SLC39A10: variants seen among roughly 807,000 people sequenced by gnomAD.
SLC39A10 encodes the protein solute carrier family 39 member 10.
Under a neutral mutation model 65.1 loss-of-function variants are expected in SLC39A10, and 13 were observed. The ratio of observed to expected loss-of-function variants is 0.20; its 90% CI spans 0.13 to 0.32. The LOEUF is 0.32. Ranked by LOEUF, SLC39A10 falls within the 10% of genes least tolerant of loss-of-function variation. The pLI, the probability that SLC39A10 is intolerant of heterozygous loss-of-function variation, is 1.00. For synonymous variants in SLC39A10, 321 were observed against 342.2 expected (o/e 0.94, Z 0.68); for missense variants, 831 against 1,018.4 (o/e 0.82, Z 2.50).
Position 195,626,434 on chromosome 2 carries a change from A to G in SLC39A10, c.-12+20201A>G, listed in dbSNP as rs1049601849. 3.9e-5 allele frequency among the ~76,000 whole-genome samples: 6 copies of G among 152,200 alleles called. No homozygotes were observed. In the East Asian group the frequency reaches 5.8e-4, roughly 15 times the overall value. On this transcript the variant is annotated intron_variant, in intron 2 of 2. Transcript: ENST00000458054. ...TCAATCCTGTCTTGATTGTCTGACT[A>G]TATACTAGGGCTCCTTTCCAATTTC...
intron 7 of SLC39A10, among the ~76,000 whole-genome samples, chr2:195,717,792 G>A (rs1199151068): frequency 6.6e-6 from 1 of 152,138 alleles, no homozygotes; most frequent in Non-Finnish European, 1.5e-5. Flanking sequence ...TCTGACCTCA[G>A]TCCTCAATAC....
Position 195,690,201 on chromosome 2 carries a change from A to G in SLC39A10, c.1216+6295A>G, listed in dbSNP as rs1690684787. Among the ~76,000 whole-genome samples, 6 of 136,784 alleles carry G rather than the reference A, an allele frequency of 4.4e-5. No individual in the cohort carries two copies. The South Asian group carries it at 7.0e-4, about 16-fold the overall frequency. The allele number at this position is 136,784 out of a possible 152,430, so 89.7% of individuals were successfully genotyped here. A position where few individuals can be genotyped will look rare whatever the true frequency, so the allele number is the denominator to read the frequency against. On this transcript the variant is annotated intron_variant, in intron 3 of 9. Transcript: ENST00000359634. The stretch of plus-strand genomic sequence containing the variant: ...AAAAAAAAAAAAAAAAAAAAAAAAG[A>G]AAGAAATTCCTTCCTTTTTAAGGCT...
intron 1 of SLC39A10, among the ~76,000 whole-genome samples, chr2:195,664,958 G>A (rs148231109): frequency 6.6e-6 from 1 of 152,070 alleles, no homozygotes; most frequent in African/African-American, 2.4e-5. Flanking sequence ...CGGGGTGGGA[G>A]GATTACTTAA....
At chr2:195,719,473 A>G (rs1314664268) in intron 8 of SLC39A10, among the ~76,000 whole-genome samples, 1 of 152,186 alleles carries the variant, frequency 6.6e-6, no homozygotes, top group Non-Finnish European at 1.5e-5. Flanking sequence ...TCTAGACTTG[A>G]TACCTGTCGA....
intron 2 of SLC39A10, among the ~76,000 whole-genome samples, chr2:195,643,362 A>T (rs1455655348): frequency 6.6e-6 from 1 of 152,216 alleles, no homozygotes; most frequent in Non-Finnish European, 1.5e-5. Context: ...AAGGATGTTC[A>T]CTTAGGAAAT....
intron 3 of SLC39A10, among the ~76,000 whole-genome samples, chr2:195,686,266 ATAT>A (rs1690520406): frequency 6.6e-6 from 1 of 152,226 alleles, no homozygotes; most frequent in African/African-American, 2.4e-5. Context: ...GTAAAAGGAA[ATAT>A]TATTACATAA....
At chr2:195,627,016 G>A (rs1688488296) in intron 2 of SLC39A10, among the ~76,000 whole-genome samples, 1 of 151,984 alleles carries the variant, frequency 6.6e-6, no homozygotes, top group Non-Finnish European at 1.5e-5. Context: ...TGTATTTCTG[G>A]GGGAAAATAT....
chr2:195,675,258 G>C (rs1690036827), intron 1 of SLC39A10, among the ~76,000 whole-genome samples: 2 of 152,118 alleles, frequency 1.3e-5, no homozygotes, highest in Admixed American at 6.5e-5. Context: ...GATTATGCAA[G>C]GTTATCTTGG....
At chr2:195,690,296 T>C (rs1339509900) in intron 3 of SLC39A10, among the ~76,000 whole-genome samples, 1 of 152,088 alleles carries the variant, frequency 6.6e-6, no homozygotes, top group Non-Finnish European at 1.5e-5. Flanking sequence ...ACAGTTGGGT[T>C]GCTTCCACAG....
chr2:195,705,152 TATG>T (rs1415574066), intron 3 of SLC39A10, among the ~76,000 whole-genome samples: 1 of 152,170 alleles, frequency 6.6e-6, no homozygotes, highest in Non-Finnish European at 1.5e-5. Context: ...TTGTAATAAA[TATG>T]ATCCTGGTTC....
At chr2:195,701,435 C>CTTT (rs66525117) in intron 3 of SLC39A10, among the ~76,000 whole-genome samples, 2 of 5,500 alleles carry the variant, frequency 3.6e-4, no homozygotes, top group African/African-American at 1.7e-3. Flanking sequence ...TTCTGTGATT[C>CTTT]TTTTTTTTTT....
chr2:195,727,539 A>G (rs1194855460), intron 8 of SLC39A10, among the ~76,000 whole-genome samples: 3 of 151,696 alleles, frequency 2.0e-5, no homozygotes, highest in Non-Finnish European at 2.9e-5. Flanking sequence ...CTGGGAAAAA[A>G]AAATAACTGT....
At chr2:195,654,291 T>C (rs1476287873), upstream of SLC39A10, among the ~76,000 whole-genome samples, 1 of 152,238 alleles carries the variant, frequency 6.6e-6, no homozygotes, top group East Asian at 1.9e-4. Context: ...TTTTGTTGTG[T>C]ATGATGACTA....
intron 7 of SLC39A10, 173 bp downstream of exon 7, chr2:195,717,178 T>C: frequency 4.1e-6 from 3 of 724,058 alleles, no homozygotes; most frequent in Non-Finnish European, 6.4e-6. Flanking sequence ...AAGGGTATAA[T>C]TTAGTGGGGT....
chr2:195,731,680 A>G (rs1033700781), intron 9 of SLC39A10, among the ~76,000 whole-genome samples: 3 of 152,202 alleles, frequency 2.0e-5, no homozygotes, highest in Admixed American at 1.3e-4. Context: ...GATATGTGTT[A>G]TGATAGAGTT....
chr2:195,696,159 T>G (rs1201704495), intron 3 of SLC39A10, among the ~76,000 whole-genome samples: 1 of 152,234 alleles, frequency 6.6e-6, no homozygotes. Context: ...TTTTATGCCG[T>G]TACTGAACTG....
chr2:195,704,304 A>T (rs1341454119), intron 3 of SLC39A10, among the ~76,000 whole-genome samples: 2 of 152,184 alleles, frequency 1.3e-5, no homozygotes, highest in Non-Finnish European at 2.9e-5. Flanking sequence ...CAAAATAATA[A>T]GGAGAAATAT....
chr2:195,679,014 G>A (rs1690202142), intron 1 of SLC39A10, among the ~76,000 whole-genome samples: 1 of 152,116 alleles, frequency 6.6e-6, no homozygotes. Context: ...GACATGTTCT[G>A]CGTCTACGTT....
chr2:195,716,010 A>G (rs76683816), intron 6 of SLC39A10, among the ~76,000 whole-genome samples: 2 of 152,338 alleles, frequency 1.3e-5, no homozygotes, highest in Admixed American at 6.5e-5. Context: ...TAGTAAATAC[A>G]TTTGAAAACA....
Sources: allele counts gnomAD v4.1 joint callset (sites outside exome capture counted in the v4.1 genomes callset), GRCh38; gene constraint gnomAD v4.1.1; transcripts MANE v1.5; gene names NCBI Gene and HGNC (gene_info 2026-07-23, HGNC 2026-07-21).